The following HMSD variants were observed in gnomAD, a reference collection of about 807,000 sequenced individuals.
HMSD encodes histocompatibility minor serpin domain containing, also known as serpin-like protein HMSD.
Under a neutral mutation model 10.0 loss-of-function variants are expected in HMSD, and 13 were observed. The ratio of observed to expected loss-of-function variants is 1.31; its 90% confidence interval spans 0.85 to 2.08. The LOEUF (loss-of-function observed/expected upper bound fraction) is 2.08, where lower values mean the gene tolerates loss of function less well. Among genes scored for constraint, HMSD ranks in the 30% most tolerant of loss-of-function variants. The pLI, the probability that HMSD is intolerant of heterozygous loss-of-function variation, is 0.00. For synonymous variants in HMSD, 51 were observed against 54.2 expected (o/e 0.94, Z 0.26); for missense variants, 169 against 166.3 (o/e 1.02, Z -0.09).
intron 3 of HMSD, chr18:63,968,865 G>T (rs1324166714): frequency 6.6e-6 from 1 of 152,200 alleles, no homozygotes; most frequent in Non-Finnish European, 1.5e-5. Context: ...AAAGATGGGG[G>T]TGAATCCTGC....
chr18:63,968,406 C>T (rs915371620), intron 3 of HMSD: 3 of 152,260 alleles, frequency 2.0e-5, no homozygotes, highest in Admixed American at 1.3e-4. Context: ...CCTGTGGACA[C>T]ATCAGACGTT....
At position 63,954,522 on chromosome 18, in the gene HMSD, G is replaced by A. The variant is rs868864345; in HGVS notation, c.187G>A (p.Gly63Arg). 1.9e-6 allele frequency: 3 copies of A among 1,612,332 alleles called. No individual in the cohort carries two copies. Among genetic ancestry groups the A allele is most frequent in the Non-Finnish European group, 2.5e-6 (3 of 1,178,840 alleles). ...DTEYVLRTANGLFGEKSYDFL... is the reference protein window; with the variant it reads ...DTEYVLRTANRLFGEKSYDFL... ...TGAATATGTGCTTAGAACTGCCAAC[G>A]GGCTCTTTGGAGAAAAGTCTTATGA... Residue 63 changes from glycine (G) to arginine (R), a missense_variant, in exon 3 of 4, where the codon GGG becomes AGG. Gly to Arg is a moderately radical substitution (Grantham distance 125). Coordinates refer to ENST00000408945, the MANE Select transcript of HMSD (RefSeq NM_001123366.2).
At position 63,959,407 on chromosome 18, in the gene HMSD, A is replaced by G. The variant is rs1373565421; in HGVS notation, c.223-751A>G. 2.0e-5 allele frequency among the ~76,000 whole-genome samples: 3 copies of G among 152,100 alleles called. No homozygotes were observed. The East Asian group carries it at 5.8e-4, about 29-fold the overall frequency. On this transcript the variant is annotated intron_variant, in intron 3 of 3. Transcript: ENST00000408945. ...AATATCACTTGAGATTTCTTCTGTG[A>G]TTCGTGTGTTATTGAATCTCCGAGT...
Position 63,954,466 on chromosome 18 carries a change from C to T in HMSD, c.131C>T (p.Ser44Leu), listed in dbSNP as rs375545599. 7.4e-6 allele frequency: 12 copies of T among 1,613,172 alleles called. 1 individual carries two copies. In the African/African-American group the frequency reaches 1.5e-4, roughly 20 times the overall value. ...EDGDIHRGFQ[S>L]LLVAINRTDT... ...GGAGATATTCATCGAGGTTTTCAGTCACTTCTTGTTGCAATTAACAGAACT... is the reference window on the plus strand; with the variant it reads ...GGAGATATTCATCGAGGTTTTCAGTTACTTCTTGTTGCAATTAACAGAACT... Residue 44 changes from serine to leucine, a missense_variant, in exon 3 of 4, where the codon TCA becomes TTA. Transcript: ENST00000408945.
intron 1 of HMSD, among the ~76,000 whole-genome samples, chr18:63,951,565 A>T (rs975003423): frequency 2.0e-5 from 3 of 152,228 alleles, no homozygotes; most frequent in Non-Finnish European, 4.4e-5. Flanking sequence ...TGGGAGGGGA[A>T]TTTGCCATAG....
chr18:63,959,898 G>A (rs569118538), intron 3 of HMSD, among the ~76,000 whole-genome samples: 9 of 152,230 alleles, frequency 5.9e-5, no homozygotes, highest in Non-Finnish European at 1.3e-4. Context: ...TCATTGATGG[G>A]TGTACTGCCA....
chr18:63,952,286 A>T (rs898043006), intron 1 of HMSD, among the ~76,000 whole-genome samples: 3 of 126,884 alleles, frequency 2.4e-5, no homozygotes, highest in South Asian at 2.1e-4. Flanking sequence ...AAAGTATAAT[A>T]ATAAAAAAAA....
chr18:63,949,687 G>A lies in HMSD; in HGVS notation c.-103+287G>A, dbSNP rs989890391. Among the ~76,000 whole-genome samples the A allele has an allele frequency of 6.6e-5, 10 of 152,278 alleles. No individual in the cohort carries two copies. The East Asian group carries it at 1.9e-3, about 29-fold the overall frequency. On this transcript the variant is annotated intron_variant, in intron 1 of 3. Coordinates refer to ENST00000408945, the MANE Select transcript of HMSD (RefSeq NM_001123366.2). The stretch of plus-strand genomic sequence containing the variant: ...AGCTGGGGGGTGAAAGTCCTGCCTG[G>A]GCTCCACTCATCCTGCAGGAGCTGG...
In HMSD at chr18:63,953,467, A is replaced by C. The variant is rs768274769; in HGVS notation, c.12A>C (p.Ser4=). MSI[S]SALAMVFMGA... is the part of the protein sequence containing the mutation. ...TTATTTTTTTCCCCATGAGCATATC[A>C]TCAGCCTTGGCCATGGTTTTCATGG... The change falls in exon 2 of 4, where the codon TCA becomes TCC. Residue 4 remains serine (S), a synonymous_variant. Transcript: ENST00000408945. 1 of 1,613,988 alleles carries C rather than the reference A, an allele frequency of 6.2e-7. No individual in the cohort carries two copies. Among genetic ancestry groups the C allele is most frequent in the East Asian group, 2.2e-5 (1 of 44,878 alleles).
downstream of HMSD, among the ~76,000 whole-genome samples, chr18:63,965,671 A>G (rs901800025): frequency 9.2e-5 from 14 of 152,124 alleles, no homozygotes; most frequent in African/African-American, 3.4e-4. Flanking sequence ...CATTGCTTAC[A>G]TTTGTCTTGG....
downstream of HMSD, among the ~76,000 whole-genome samples, chr18:63,964,297 A>T (rs2050401666): frequency 6.6e-6 from 1 of 152,226 alleles, no homozygotes; most frequent in African/African-American, 2.4e-5. Context: ...AGGTGGGCAG[A>T]TCACCGGAGG....
At chr18:63,964,020 T>C (rs2050400753), downstream of HMSD, among the ~76,000 whole-genome samples, 1 of 152,336 alleles carries the variant, frequency 6.6e-6, no homozygotes, top group South Asian at 2.1e-4. Context: ...ACTATATCCC[T>C]ACCAGGCATT....
intron 2 of HMSD, among the ~76,000 whole-genome samples, 168 bp downstream of exon 2, chr18:63,953,695 CCTT>C (rs2144757282): frequency 6.6e-6 from 1 of 152,300 alleles, no homozygotes; most frequent in African/African-American, 2.4e-5. Flanking sequence ...CAAGGCCTGA[CCTT>C]CTTGGTGACC....
At position 63,960,205 on chromosome 18, in the gene HMSD, G is replaced by T. The variant is rs752613870; in HGVS notation, c.270G>T (p.Gln90His). 6.2e-7 allele frequency: 1 copy of T among 1,613,176 alleles called. No individual in the cohort carries two copies. Among genetic ancestry groups the T allele is most frequent in the Non-Finnish European group, 8.5e-7 (1 of 1,179,724 alleles). Reference protein sequence around the residue: ...CGKFYQATIKQLDFVNDTEKS... With the variant: ...CGKFYQATIKHLDFVNDTEKS... The stretch of plus-strand genomic sequence containing the variant: ...AATTCTACCAAGCAACGATAAAACA[G>T]CTAGACTTTGTGAATGATACAGAGA... The change falls in exon 4 of 4, where the codon CAG becomes CAT. Residue 90 changes from glutamine to histidine, a missense_variant. Transcript: ENST00000408945.
downstream of HMSD, among the ~76,000 whole-genome samples, chr18:63,966,175 C>T (rs2050408746): frequency 6.6e-6 from 1 of 152,144 alleles, no homozygotes; most frequent in African/African-American, 2.4e-5. Flanking sequence ...TTCGTGGAGA[C>T]AAAAATCCAC....
downstream of HMSD, among the ~76,000 whole-genome samples, chr18:63,962,086 T>A (rs17072277): frequency 0.043 from 6,540 of 152,324 alleles, 189 homozygotes; most frequent in Non-Finnish European, 0.056. Flanking sequence ...GAAAAAAAGT[T>A]GATCTGACCT....
chr18:63,962,368 C>T (rs1375905371), downstream of HMSD, among the ~76,000 whole-genome samples: 2 of 152,160 alleles, frequency 1.3e-5, no homozygotes, highest in Admixed American at 1.3e-4. Context: ...CAGCTCCTAC[C>T]AGAAGGGCAG....
At position 63,953,536 on chromosome 18, in the gene HMSD, A is replaced by T. The variant is rs1040522639; in HGVS notation, c.72+9A>T. On this transcript the variant is annotated intron_variant, in intron 2 of 3. Coordinates refer to ENST00000408945, the MANE Select transcript of HMSD (RefSeq NM_001123366.2). Reference sequence around the variant, plus strand: ...CAGCTCAGATGTCTCAGGTACGTAAAGCCACTTCAAGACAACAATAAGTGC... The same window carrying T: ...CAGCTCAGATGTCTCAGGTACGTAATGCCACTTCAAGACAACAATAAGTGC... The T allele has an allele frequency of 1.2e-6, 2 of 1,608,186 alleles. No homozygotes were observed. The highest frequency in any genetic ancestry group is 1.3e-5 in the African/African-American group (1 of 74,838).
At chr18:63,954,869 AT>A (rs2050350281) in intron 3 of HMSD, among the ~76,000 whole-genome samples, 1 of 152,242 alleles carries the variant, frequency 6.6e-6, no homozygotes, top group Non-Finnish European at 1.5e-5. Context: ...CTTTGCAGAT[AT>A]TTTTAATTTT....
Sources: allele counts gnomAD v4.1 joint callset (sites outside exome capture counted in the v4.1 genomes callset), GRCh38; gene constraint gnomAD v4.1.1; transcripts MANE v1.5; gene names NCBI Gene and HGNC (gene_info 2026-07-23, HGNC 2026-07-21).